The following CORO2B variants were observed in gnomAD, a reference collection of about 807,000 sequenced individuals.
The protein encoded by CORO2B is coronin-2B.
CORO2B carries 26 observed loss-of-function variants against 58.8 expected under a neutral mutation model. That is an observed-to-expected ratio of 0.44 (90% confidence interval 0.32 to 0.61). The LOEUF (loss-of-function observed/expected upper bound fraction) is 0.61. CORO2B is among the 20% of genes least tolerant of loss of function. CORO2B has a pLI of 0.04. For synonymous variants in CORO2B, 242 were observed against 253.8 expected (o/e 0.95, Z 0.44); for missense variants, 460 against 645.1 (o/e 0.71, Z 3.11).
chr15:68,663,726 GA>G (rs919338250), intron 2 of CORO2B, among the ~76,000 whole-genome samples: 4 of 151,748 alleles, frequency 2.6e-5, no homozygotes, highest in Admixed American at 6.6e-5. Flanking sequence ...TTAAAAATGA[GA>G]AAAAAAAGTG....
the CORO2B span, among the ~76,000 whole-genome samples, chr15:68,556,109 G>A: frequency 6.6e-6 from 1 of 152,232 alleles, no homozygotes; most frequent in Non-Finnish European, 1.5e-5. Flanking sequence ...AGGACGGGGA[G>A]CGGGCCAGGC....
intron 2 of CORO2B, among the ~76,000 whole-genome samples, chr15:68,666,310 G>A (rs1056455972): frequency 6.6e-6 from 1 of 152,210 alleles, no homozygotes; most frequent in African/African-American, 2.4e-5. Flanking sequence ...CAGGCAGCTA[G>A]TTCCCTTTCC....
chr15:68,716,872 A>AG (rs1251464844), intron 8 of CORO2B, among the ~76,000 whole-genome samples: 2 of 148,900 alleles, frequency 1.3e-5, no homozygotes, highest in Non-Finnish European at 3.0e-5. Context: ...ACCATCGGAG[A>AG]GGGGGGCAGG....
intron 3 of CORO2B, among the ~76,000 whole-genome samples, chr15:68,696,871 G>A (rs1213618123): frequency 2.0e-5 from 3 of 152,196 alleles, no homozygotes; most frequent in African/African-American, 7.2e-5. Flanking sequence ...TTTTAGTCAG[G>A]CCACAAGCAT....
chr15:68,550,213 C>T, the CORO2B span, among the ~76,000 whole-genome samples: 6 of 152,096 alleles, frequency 3.9e-5, no homozygotes, highest in South Asian at 4.1e-4. Flanking sequence ...TTCTTACCAG[C>T]ATGAAAATAC....
intron 1 of CORO2B, among the ~76,000 whole-genome samples, chr15:68,585,836 G>A (rs1176492020): frequency 6.6e-6 from 1 of 152,198 alleles, no homozygotes; most frequent in African/African-American, 2.4e-5. Context: ...GGAGGAGGGT[G>A]TCCTATACAT....
At chr15:68,619,621 C>T (rs1900460666) in intron 1 of CORO2B, among the ~76,000 whole-genome samples, 1 of 152,000 alleles carries the variant, frequency 6.6e-6, no homozygotes, top group Non-Finnish European at 1.5e-5. Context: ...CCCAGCAGGG[C>T]CTGAATAAAC....
chr15:68,598,639 G>T (rs1198874663), intron 1 of CORO2B, among the ~76,000 whole-genome samples: 1 of 152,114 alleles, frequency 6.6e-6, no homozygotes, highest in Non-Finnish European at 1.5e-5. Flanking sequence ...ACGCCCCTCT[G>T]CAGCAGCGTA....
At chr15:68,629,840 C>CTG (rs374994406) in intron 1 of CORO2B, among the ~76,000 whole-genome samples, 5 of 151,650 alleles carry the variant, frequency 3.3e-5, no homozygotes, top group South Asian at 2.1e-4. Context: ...GTGTGTGTGT[C>CTG]TGTGTGTGTG....
At chr15:68,537,287 GA>G in the CORO2B span, among the ~76,000 whole-genome samples, 1 of 152,140 alleles carries the variant, frequency 6.6e-6, no homozygotes, top group Non-Finnish European at 1.5e-5. Flanking sequence ...GGTGGTTCTG[GA>G]TTAGAGTTGG....
At chr15:68,700,981 C>T (rs1949462727) in intron 3 of CORO2B, among the ~76,000 whole-genome samples, 2 of 152,288 alleles carry the variant, frequency 1.3e-5, no homozygotes, top group African/African-American at 4.8e-5. Flanking sequence ...AGATGATGCC[C>T]CTCCCTGAGG....
chr15:68,656,847 C>T (rs973840507), intron 2 of CORO2B, among the ~76,000 whole-genome samples: 2 of 152,182 alleles, frequency 1.3e-5, no homozygotes, highest in Non-Finnish European at 2.9e-5. Flanking sequence ...CGAGGCTGTT[C>T]TGAGGATTCA....
the CORO2B span, among the ~76,000 whole-genome samples, chr15:68,545,325 A>G: frequency 1.3e-5 from 2 of 152,178 alleles, no homozygotes; most frequent in African/African-American, 2.4e-5. Flanking sequence ...GTTTGGTGCT[A>G]TAAATGTCAG....
the CORO2B span, among the ~76,000 whole-genome samples, chr15:68,543,333 C>T: frequency 6.6e-6 from 1 of 152,182 alleles, no homozygotes; most frequent in Non-Finnish European, 1.5e-5. Flanking sequence ...CTCCCTCCCC[C>T]TGACTGGGAA....
intron 11 of CORO2B, among the ~76,000 whole-genome samples, chr15:68,721,660 G>A (rs889455178): frequency 6.6e-6 from 1 of 152,126 alleles, no homozygotes; most frequent in Non-Finnish European, 1.5e-5. Flanking sequence ...TGAGTGATGG[G>A]TACTTGGGGG....
At chr15:68,524,670 C>T in the CORO2B span, among the ~76,000 whole-genome samples, 8,235 of 152,180 alleles carry the variant, frequency 0.054, 322 homozygotes, top group African/African-American at 0.11. Context: ...CTTCTAAGGC[C>T]GGTAATTAGG....
intron 3 of CORO2B, among the ~76,000 whole-genome samples, chr15:68,703,804 C>T (rs1036245463): frequency 6.6e-6 from 1 of 152,030 alleles, no homozygotes; most frequent in South Asian, 2.1e-4. Context: ...ATCATGTACG[C>T]GTTTTAAAGA....
intron 2 of CORO2B, among the ~76,000 whole-genome samples, chr15:68,652,902 T>C (rs1250125760): frequency 6.6e-6 from 1 of 152,244 alleles, no homozygotes; most frequent in Non-Finnish European, 1.5e-5. Flanking sequence ...TTTCTATAAA[T>C]GTGCCTTGTA....
At chr15:68,660,303 C>G (rs1901971681) in intron 2 of CORO2B, among the ~76,000 whole-genome samples, 1 of 152,196 alleles carries the variant, frequency 6.6e-6, no homozygotes, top group Admixed American at 6.5e-5. Flanking sequence ...TTCAGAAGCA[C>G]TCATCTCCAT....
Sources: gnomAD v4.1 joint callset for allele counts (sites outside exome capture counted in the v4.1 genomes callset) on GRCh38, gnomAD v4.1.1 for gene constraint, MANE v1.5 for transcripts, NCBI Gene and HGNC (gene_info 2026-07-23, HGNC 2026-07-21) for gene names.